Variants in TTC21A observed in about 807,000 individuals in gnomAD.
TTC21A encodes the protein tetratricopeptide repeat protein 21A.
TTC21A carries 128 observed loss-of-function variants against 156.4 expected under a neutral mutation model. The observed-to-expected ratio is 0.82, with a 90% CI of 0.71 to 0.95. The LOEUF is 0.95. Among genes scored for constraint, TTC21A ranks in the 40% least tolerant of loss-of-function variants. The probability of loss-of-function intolerance (pLI) is 0.00; values close to 1 mark genes in which losing one functional copy is unlikely to be tolerated. For missense variants in TTC21A, 1,435 were observed against 1,602.3 expected, an observed-to-expected ratio of 0.90 and a Z score of 1.78; for synonymous variants, 587 against 617.1, an observed-to-expected ratio of 0.95 and a Z score of 0.72.
rs1276524192 is a variant in TTC21A, at chr3:39,137,269, A to T, written c.3332A>T (p.His1111Leu). ...AEKLLREFYP[H>L]SDSSQTQLRL... The stretch of plus-strand genomic sequence containing the variant: ...AAACTGCTGCGTGAGTTTTACCCAC[A>T]TTCAGACTCCAGCCAGACCCAGCTG... The change falls in exon 25 of 29, where the codon CAT becomes CTT. Residue 1111 changes from histidine (H) to leucine (L), a missense_variant. Coordinates refer to ENST00000683103, the MANE Select transcript of TTC21A (RefSeq NM_001366900.1). The T allele has an allele frequency of 1.9e-6, 3 of 1,614,064 alleles. No individual in the cohort carries two copies. In the African/African-American group the frequency reaches 4.0e-5, roughly 22 times the overall value.
At position 39,120,881 on chromosome 3, in the gene TTC21A, G is replaced by T. The variant is rs887474114; in HGVS notation, c.901-116G>T. ...GCTGCCTAGACACACGGTACCTCTTGGCTCTCCTGGGCCTACCAGCCCTGC... is the reference window on the plus strand; with the variant it reads ...GCTGCCTAGACACACGGTACCTCTTTGCTCTCCTGGGCCTACCAGCCCTGC... On this transcript the variant is annotated intron_variant, in intron 8 of 28. Coordinates refer to ENST00000683103, the MANE Select transcript of TTC21A (RefSeq NM_001366900.1). The T allele has an allele frequency of 1.0e-5, 9 of 871,636 alleles. No homozygotes were observed. The African/African-American group carries it at 1.5e-4, about 15-fold the overall frequency. 54.0% of individuals were successfully genotyped at this position (871,636 alleles called of 1,614,324 possible).
rs1444489663 is a variant in TTC21A, at chr3:39,130,744, A to G, written c.2363A>G (p.Asp788Gly). The G allele has an allele frequency of 6.2e-7, 1 of 1,614,104 alleles. No homozygotes were observed. Among genetic ancestry groups the G allele is most frequent in the Non-Finnish European group, 8.5e-7 (1 of 1,180,044 alleles). The change falls in exon 18 of 29, where the codon GAC (aspartate) becomes GGC (glycine). Residue 788 changes from aspartate (D) to glycine (G), a missense_variant. Asp to Gly is a moderately conservative substitution (Grantham distance 94, BLOSUM62 -1). Transcript: ENST00000683103. This position sits in a 1 kb window ranked among gnomAD's most constrained non-coding sequence, Gnocchi z 4.5. ...YEAAQKINGQDFLCCDLGKLL... is the reference protein window; with the variant it reads ...YEAAQKINGQGFLCCDLGKLL... ...GCTGCCCAGAAGATTAATGGACAGG[A>G]CTTTCTGTGCTGCGATCTGGGCAAA...
Position 39,125,415 on chromosome 3 carries a change from G to A in TTC21A, c.1275G>A (p.Val425=), listed in dbSNP as rs1358958314. The change falls in exon 11 of 29, where the codon GTG becomes GTA. Residue 425 remains valine, a synonymous_variant. Coordinates refer to ENST00000683103, the MANE Select transcript of TTC21A (RefSeq NM_001366900.1). ...CCACAGCGCTCCTGAAGGAGGCAGT[G>A]GAGCTTCACTTCTCCAGCATGCAAG... ...EETTALLKEA[V]ELHFSSMQGI... The A allele has an allele frequency of 1.2e-6, 2 of 1,614,060 alleles. No homozygotes were observed. Among genetic ancestry groups the A allele is most frequent in the East Asian group, 2.2e-5 (1 of 44,902 alleles).
chr3:39,129,813 T>C (rs1431673660), intron 15 of TTC21A, among the ~76,000 whole-genome samples: 2 of 152,152 alleles, frequency 1.3e-5, no homozygotes, highest in African/African-American at 4.8e-5. Flanking sequence ...CATTGCTGCC[T>C]CATGGAGAGG....
chr3:39,112,924 T>A (rs2036955025), intron 5 of TTC21A, among the ~76,000 whole-genome samples: 1 of 152,152 alleles, frequency 6.6e-6, no homozygotes, highest in Non-Finnish European at 1.5e-5. Flanking sequence ...TTTCTTCTTT[T>A]ATTTTGACCT....
At chr3:39,126,531 C>T in intron 12 of TTC21A, 141 bp downstream of exon 12, 3 of 897,622 alleles carry the variant, frequency 3.3e-6, no homozygotes, top group South Asian at 3.2e-5. Flanking sequence ...CTCTCCTTGC[C>T]TGGGGTACTA....
intron 7 of TTC21A, 132 bp from the exon 8 acceptor site, chr3:39,119,790 G>C (rs1357082447): frequency 1.2e-5 from 8 of 662,956 alleles, no homozygotes; most frequent in Non-Finnish European, 2.2e-5. Context: ...CTGAATTTCT[G>C]GGGGGTTGTG....
Position 39,125,668 on chromosome 3 carries a change from C to A in TTC21A, c.1392+136C>A. 5 of 701,878 alleles carry A rather than the reference C, an allele frequency of 7.1e-6. 1 individual carries two copies. The South Asian group carries it at 8.2e-5, about 11-fold the overall frequency. 43.5% of individuals were successfully genotyped at this position (701,878 alleles called of 1,614,324 possible). On this transcript the variant is annotated intron_variant, in intron 11 of 28. Transcript: ENST00000683103. ...GGTGAGCCTTGGGCAGCTGGGGAGC[C>A]CAGTGCTCTTCAAACTTGAACATAC... is the stretch of plus-strand genomic sequence containing the variant.
chr3:39,130,036 G>C lies in TTC21A; in HGVS notation c.2136-43G>C. 6.3e-7 allele frequency: 1 copy of C among 1,594,492 alleles called. No individual in the cohort carries two copies. The highest frequency in any genetic ancestry group is 2.2e-5 in the East Asian group (1 of 44,720). ...GGAGATGATTTCAGGAACATGAGGT[G>C]TGTGCGAACCTGGGATAAGCTTTTG... On this transcript the variant is annotated intron_variant, in intron 15 of 28. Coordinates refer to ENST00000683103, the MANE Select transcript of TTC21A (RefSeq NM_001366900.1). The surrounding 1 kb of genome is among the most constrained non-coding windows in gnomAD (Gnocchi z 4.5).
chr3:39,114,751 C>G lies in TTC21A; in HGVS notation c.716+9C>G. 6.2e-7 allele frequency: 1 copy of G among 1,614,150 alleles called. No individual in the cohort carries two copies. Among genetic ancestry groups the G allele is most frequent in the Non-Finnish European group, 8.5e-7 (1 of 1,179,992 alleles). Reference sequence around the variant, plus strand: ...GTAGAAATGGGACACAGGTGAGCTACTGCACAAATGGGCAGCCAAGGGTGG... The same window carrying G: ...GTAGAAATGGGACACAGGTGAGCTAGTGCACAAATGGGCAGCCAAGGGTGG... On this transcript the variant is annotated intron_variant, in intron 6 of 28. Coordinates refer to ENST00000683103, the MANE Select transcript of TTC21A (RefSeq NM_001366900.1).
Position 39,114,581 on chromosome 3 carries a change from A to G in TTC21A, c.559-4A>G, listed in dbSNP as rs748486215. 3.1e-6 allele frequency: 5 copies of G among 1,614,024 alleles called. No individual in the cohort carries two copies. Among genetic ancestry groups the G allele is most frequent in the South Asian group, 1.1e-5 (1 of 91,064 alleles). ...CGGAGGCTCTTCTGTCTGGCTCCCA[A>G]CAGGCAATGTACTTCATGATGCAGC... On this transcript the variant is annotated splice_region_variant and splice_polypyrimidine_tract_variant and intron_variant, in intron 5 of 28. Coordinates refer to ENST00000683103, the MANE Select transcript of TTC21A (RefSeq NM_001366900.1).
At chr3:39,129,869 C>T (rs11716709) in intron 15 of TTC21A, among the ~76,000 whole-genome samples, 1,748 of 152,324 alleles carry the variant, frequency 0.011, 12 homozygotes, top group Non-Finnish European at 0.018. Context: ...GGTAGAGGGC[C>T]TGGCCATGGC....
In TTC21A at chr3:39,128,349, A is replaced by G. The variant is rs903219288; in HGVS notation, c.1541A>G (p.Gln514Arg). Reference sequence around the variant, plus strand: ...TTTCTAGGAGAGCTAGAGAATGCCCAGAGCATCCTGCAGCGTTGCCTGGAG... The same window carrying G: ...TTTCTAGGAGAGCTAGAGAATGCCCGGAGCATCCTGCAGCGTTGCCTGGAG... ...RYYSGELENA[Q>R]SILQRCLELD... The change falls in exon 13 of 29, where the codon CAG (glutamine) becomes CGG (arginine). Residue 514 changes from glutamine to arginine, a missense_variant. Coordinates refer to ENST00000683103, the MANE Select transcript of TTC21A (RefSeq NM_001366900.1). 5 of 1,614,186 alleles carry G rather than the reference A, an allele frequency of 3.1e-6. No individual in the cohort carries two copies. The highest frequency in any genetic ancestry group is 4.2e-6 in the Non-Finnish European group (5 of 1,180,026).
At chr3:39,121,308 G>C (rs2037750139) in intron 9 of TTC21A, 119 bp downstream of exon 9, 1 of 867,198 alleles carries the variant, frequency 1.2e-6, no homozygotes, top group Non-Finnish European at 1.8e-6. Context: ...TGAATTTTGG[G>C]GTACAATGTA....
In TTC21A at chr3:39,134,378, G is replaced by T; in HGVS notation, c.2862+50G>T. On this transcript the variant is annotated intron_variant, in intron 21 of 28. Transcript: ENST00000683103. This position sits in a 1 kb window ranked among gnomAD's most constrained non-coding sequence, Gnocchi z 4.6. ...CCTCCCCTCCCTTCCTCCCTTCCCAGGGTCCCTGTGACCAGATGCAGGCTA... is the reference window on the plus strand; with the variant it reads ...CCTCCCCTCCCTTCCTCCCTTCCCATGGTCCCTGTGACCAGATGCAGGCTA... 7.4e-7 allele frequency: 1 copy of T among 1,345,364 alleles called. No homozygotes were observed. Among genetic ancestry groups the T allele is most frequent in the Non-Finnish European group, 1.1e-6 (1 of 935,010 alleles). The allele number at this position is 1,345,364 out of a possible 1,614,324, so 83.3% of individuals were successfully genotyped here.
chr3:39,128,776 C>G lies in TTC21A; in HGVS notation c.1740C>G (p.Asp580Glu). ...IKARALNKAG[D>E]YPEAIKTLKM... is the part of the protein sequence containing the mutation. ...CCAGGGCCCTCAACAAGGCTGGAGA[C>G]TATCCAGAGGCCATAAAGACGCTGA... is the stretch of plus-strand genomic sequence containing the variant. The change falls in exon 14 of 29, where the codon GAC (aspartate) becomes GAG (glutamate). Residue 580 changes from aspartate to glutamate, a missense_variant. Physicochemically the swap from Asp to Glu is conservative, Grantham distance 45. Transcript: ENST00000683103. 2 of 1,614,180 alleles carry G rather than the reference C, an allele frequency of 1.2e-6. No individual in the cohort carries two copies. Among genetic ancestry groups the G allele is most frequent in the Non-Finnish European group, 1.7e-6 (2 of 1,180,044 alleles).
intron 22 of TTC21A, 123 bp downstream of exon 22, chr3:39,135,297 G>A: frequency 1.2e-6 from 1 of 838,898 alleles, no homozygotes; most frequent in South Asian, 1.5e-5. Context: ...CTCCCTGATT[G>A]TTCCAGAGAA....
rs772484436 is a variant in TTC21A at position 39,136,883 on chromosome 3, G to T, written c.3096-16G>T. The T allele has an allele frequency of 3.7e-6, 6 of 1,613,238 alleles. No homozygotes were observed. In the African/African-American group the frequency reaches 8.0e-5, roughly 22 times the overall value. ...TCAGTTTCCCTCACTGATTCTTGGTGTTTTCTCCACCACAGGCACATAGGG... is the reference window on the plus strand; with the variant it reads ...TCAGTTTCCCTCACTGATTCTTGGTTTTTTCTCCACCACAGGCACATAGGG... On this transcript the variant is annotated splice_polypyrimidine_tract_variant and intron_variant, in intron 23 of 28. Coordinates refer to ENST00000683103, the MANE Select transcript of TTC21A (RefSeq NM_001366900.1).
In TTC21A at chr3:39,130,034, G is replaced by A. The variant is rs369964493; in HGVS notation, c.2136-45G>A. ...AAGGAGATGATTTCAGGAACATGAGGTGTGTGCGAACCTGGGATAAGCTTT... is the reference window on the plus strand; with the variant it reads ...AAGGAGATGATTTCAGGAACATGAGATGTGTGCGAACCTGGGATAAGCTTT... On this transcript the variant is annotated intron_variant, in intron 15 of 28. Coordinates refer to ENST00000683103, the MANE Select transcript of TTC21A (RefSeq NM_001366900.1). This position sits in a 1 kb window ranked among gnomAD's most constrained non-coding sequence, Gnocchi z 4.5. 2 of 1,586,144 alleles carry A rather than the reference G, an allele frequency of 1.3e-6. No homozygotes were observed. Among genetic ancestry groups the A allele is most frequent in the African/African-American group, 2.7e-5 (2 of 74,404 alleles).
Sources: gnomAD v4.1 joint callset for allele counts (sites outside exome capture counted in the v4.1 genomes callset) on GRCh38, gnomAD v4.1.1 for gene constraint, Gnocchi (gnomAD v3.1) non-coding constraint, MANE v1.5 for transcripts, NCBI Gene and HGNC (gene_info 2026-07-23, HGNC 2026-07-21) for gene names.